NBAS: variants seen among roughly 807,000 people sequenced by gnomAD.
The protein encoded by NBAS is NAG/BC035112 fusion.
In NBAS, 219 loss-of-function variants were observed where a neutral mutation model predicts 302.5. That is an observed-to-expected ratio of 0.72 (90% confidence interval 0.65 to 0.81). The LOEUF (loss-of-function observed/expected upper bound fraction) is 0.81, where lower values mean the gene tolerates loss of function less well. Ranked by LOEUF, NBAS falls within the 30% of genes least tolerant of loss-of-function variation. The probability of loss-of-function intolerance (pLI) is 0.00; values close to 1 mark genes in which losing one functional copy is unlikely to be tolerated. For missense variants in NBAS, 2,932 were observed against 2,841.6 expected (o/e 1.03, Z -0.72); for synonymous variants, 1,118 against 1,021.6 (o/e 1.09, Z -1.80).
chr2:15,245,980 C>T (rs1479560182), intron 44 of NBAS, among the ~76,000 whole-genome samples: 1 of 152,088 alleles, frequency 6.6e-6, no homozygotes, highest in Non-Finnish European at 1.5e-5. Context: ...TTTCTGATCT[C>T]TGATTTATAA....
At position 15,474,077 on chromosome 2, in the gene NBAS, T is replaced by TA. The variant is rs752264287; in HGVS notation, c.1588dup (p.Tyr530LeufsTer6). 6.2e-6 allele frequency: 10 copies of TA among 1,614,216 alleles called. No homozygotes were observed. Among genetic ancestry groups the TA allele is most frequent in the Non-Finnish European group, 8.5e-6 (10 of 1,180,030 alleles). Reference sequence around the variant, plus strand: ...ATGCTACTCTCTCACCTTCCTCTGATAAAGTTCCTCTGGTGTCGTGGAGCG... The same window carrying TA: ...ATGCTACTCTCTCACCTTCCTCTGATAAAAGTTCCTCTGGTGTCGTGGAGCG... On this transcript the variant is annotated frameshift_variant, in exon 15 of 52. Transcript: ENST00000281513. LOFTEE classifies it high-confidence loss of function.
chr2:14,831,518 T>C, the NBAS span, among the ~76,000 whole-genome samples: 1 of 152,302 alleles, frequency 6.6e-6, no homozygotes, highest in South Asian at 2.1e-4. Context: ...GGCTAAGCAA[T>C]ATATTACATA....
At chr2:15,328,818 C>G (rs773308964) in intron 36 of NBAS, among the ~76,000 whole-genome samples, 1 of 152,114 alleles carries the variant, frequency 6.6e-6, no homozygotes, top group Non-Finnish European at 1.5e-5. Flanking sequence ...CCACCTCAAC[C>G]AAACTGCCTG....
At chr2:15,161,692 G>T in the NBAS span, among the ~76,000 whole-genome samples, 1 of 152,178 alleles carries the variant, frequency 6.6e-6, no homozygotes, top group African/African-American at 2.4e-5. Context: ...ACTTGCAGTG[G>T]CTTGAGCTCC....
At chr2:14,924,480 A>G in the NBAS span, among the ~76,000 whole-genome samples, 3 of 152,262 alleles carry the variant, frequency 2.0e-5, no homozygotes, top group Non-Finnish European at 2.9e-5. Flanking sequence ...GCTTCCCAGC[A>G]TGCATTAATT....
In NBAS at chr2:15,238,557, C is replaced by T; in HGVS notation, c.5854G>A (p.Ala1952Thr). Residue 1952 changes from alanine (A) to threonine (T), a missense_variant, in exon 45 of 52, where the codon GCA becomes ACA. Transcript: ENST00000281513. ...TTCTCCAGATGATTCAAAGTATCTG[C>T]ATAGGTAACTTTAGAATCCTTAGCT... is the stretch of plus-strand genomic sequence containing the variant. ...QEAKDSKVTY[A>T]DTLNHLEKSL... 2 of 1,614,146 alleles carry T rather than the reference C, an allele frequency of 1.2e-6. No individual in the cohort carries two copies. The highest frequency in any genetic ancestry group is 1.7e-6 in the Non-Finnish European group (2 of 1,180,018).
chr2:14,929,374 ATGTTT>A, the NBAS span, among the ~76,000 whole-genome samples: 52,859 of 151,490 alleles, frequency 0.35, 9,450 homozygotes, highest in African/African-American at 0.45. Flanking sequence ...ACAGTATATT[ATGTTT>A]TGTTTTGTTT....
At chr2:15,407,104 T>C (rs1471526457) in intron 25 of NBAS, among the ~76,000 whole-genome samples, 1 of 152,204 alleles carries the variant, frequency 6.6e-6, no homozygotes, top group Non-Finnish European at 1.5e-5. Flanking sequence ...TGCTTGTAAT[T>C]GCAAAAATAT....
chr2:15,267,394 CA>C (rs202001122), intron 44 of NBAS, among the ~76,000 whole-genome samples: 6 of 150,116 alleles, frequency 4.0e-5, no homozygotes, highest in Admixed American at 1.3e-4. Flanking sequence ...TTATTTTGAT[CA>C]AAAAAAAAGT....
intron 50 of NBAS, 159 bp from the exon 51 acceptor site, chr2:15,179,275 G>A: frequency 9.6e-7 from 1 of 1,042,544 alleles, no homozygotes; most frequent in Non-Finnish European, 1.4e-6. Flanking sequence ...ATGGGCGTTG[G>A]TACCTGCTTC....
At chr2:15,503,458 T>C (rs1193781011) in intron 11 of NBAS, among the ~76,000 whole-genome samples, 2 of 152,160 alleles carry the variant, frequency 1.3e-5, no homozygotes, top group African/African-American at 4.8e-5. Context: ...ATTAGATTAT[T>C]TGATTTTCCT....
chr2:14,947,982 G>A, the NBAS span, among the ~76,000 whole-genome samples: 7 of 152,102 alleles, frequency 4.6e-5, no homozygotes, highest in South Asian at 1.5e-3. Flanking sequence ...TTTGATCATG[G>A]TGAGTGATCT....
chr2:15,113,292 G>A, the NBAS span, among the ~76,000 whole-genome samples: 26 of 149,798 alleles, frequency 1.7e-4, no homozygotes, highest in Non-Finnish European at 3.9e-4. Flanking sequence ...CTAAATTTGA[G>A]TTAGGGGAGG....
At chr2:15,281,387 T>C (rs931587163) in intron 42 of NBAS, among the ~76,000 whole-genome samples, 2 of 152,234 alleles carry the variant, frequency 1.3e-5, no homozygotes, top group Non-Finnish European at 2.9e-5. Context: ...CTATGTCATC[T>C]GATTTAATTC....
At chr2:15,038,612 C>T in the NBAS span, among the ~76,000 whole-genome samples, 1 of 152,174 alleles carries the variant, frequency 6.6e-6, no homozygotes, top group Non-Finnish European at 1.5e-5. Context: ...GTTTTACAAC[C>T]TCTGACCTTA....
intron 11 of NBAS, among the ~76,000 whole-genome samples, chr2:15,494,356 C>T (rs577035486): frequency 6.6e-6 from 1 of 152,174 alleles, no homozygotes; most frequent in African/African-American, 2.4e-5. Context: ...AACATCTACA[C>T]ATTATAAGGT....
chr2:14,932,616 T>G, the NBAS span, among the ~76,000 whole-genome samples: 1 of 152,178 alleles, frequency 6.6e-6, no homozygotes, highest in African/African-American at 2.4e-5. Flanking sequence ...ATTAAAGGCA[T>G]CAATATGACA....
the NBAS span, among the ~76,000 whole-genome samples, chr2:15,113,265 A>G: frequency 6.6e-6 from 1 of 150,968 alleles, no homozygotes; most frequent in Non-Finnish European, 1.5e-5. Flanking sequence ...ATATGGTTAC[A>G]TAAGCACCCT....
At chr2:15,544,509 G>A (rs1558427894) in intron 6 of NBAS, among the ~76,000 whole-genome samples, 2 of 152,040 alleles carry the variant, frequency 1.3e-5, no homozygotes, top group South Asian at 2.1e-4. Context: ...CAAATTTGAA[G>A]AAATCTACAA....
Sources: allele counts gnomAD v4.1 joint callset (sites outside exome capture counted in the v4.1 genomes callset), GRCh38; gene constraint gnomAD v4.1.1; transcripts MANE v1.5; gene names NCBI Gene and HGNC (gene_info 2026-07-23, HGNC 2026-07-21).